The following LRCH2 variants were observed in gnomAD, a reference collection of about 807,000 sequenced individuals.
The protein encoded by LRCH2 is leucine-rich repeat and calponin homology domain-containing protein 2.
In LRCH2, 38 loss-of-function variants were observed where a neutral mutation model predicts 68.9. That is an observed-to-expected ratio of 0.55 (90% CI 0.43 to 0.72). The LOEUF is 0.72. Among genes scored for constraint, LRCH2 ranks in the 30% least tolerant of loss-of-function variants. LRCH2 has a pLI of 0.00. For synonymous variants in LRCH2, 191 were observed against 208.1 expected (o/e 0.92, Z 0.71); for missense variants, 528 against 572.9 (o/e 0.92, Z 0.80).
At chrX:115,226,811 T>G (rs1319558942) in intron 1 of LRCH2, among the ~76,000 whole-genome samples, 1 of 111,171 alleles carries the variant, frequency 9.0e-6, no homozygotes, top group Non-Finnish European at 1.9e-5. Flanking sequence ...GATATCAGCA[T>G]TCATGTAGTT....
chrX:115,118,560 T>C (rs1469287082), intron 20 of LRCH2, among the ~76,000 whole-genome samples: 4 of 109,706 alleles, frequency 3.6e-5, no homozygotes, highest in Non-Finnish European at 7.6e-5. Context: ...CAGGACCAGA[T>C]GGATTCACAG....
At chrX:115,120,849 T>G (rs1556525673) in intron 20 of LRCH2, among the ~76,000 whole-genome samples, 1 of 107,708 alleles carries the variant, frequency 9.3e-6, no homozygotes, top group Admixed American at 1.0e-4. Flanking sequence ...CCATAAAAAA[T>G]GATGAGTTCA....
At chrX:115,231,343 A>G (rs926934971) in intron 1 of LRCH2, among the ~76,000 whole-genome samples, 2 of 111,752 alleles carry the variant, frequency 1.8e-5, no homozygotes, top group Non-Finnish European at 3.8e-5. Context: ...ATATGTATGT[A>G]TAATCTCAAA....
chrX:115,150,096 C>T (rs1556537925), intron 12 of LRCH2, 26 bp from the exon 13 acceptor site: 2 of 1,028,728 alleles, frequency 1.9e-6, no homozygotes, highest in Non-Finnish European at 2.6e-6. Flanking sequence ...TGCCTTAATA[C>T]GTTAAAATAT....
At chrX:115,230,576 C>T (rs782629803) in intron 1 of LRCH2, among the ~76,000 whole-genome samples, 1 of 111,399 alleles carries the variant, frequency 9.0e-6, no homozygotes, top group East Asian at 2.8e-4. Context: ...ATAAACTCTG[C>T]AAACAGCTGC....
rs1327052767 is a variant in LRCH2, at chrX:115,192,299, G to A, written c.350-3929C>T. On this transcript the variant is annotated intron_variant, in intron 1 of 20. Coordinates refer to ENST00000317135, the MANE Select transcript of LRCH2 (RefSeq NM_020871.4). ...GGAGGAGGCCGCTACGAGGAGTACC[G>A]AGGCCCCTCGCCTGACGCCCACAGT... 3.2e-5 allele frequency: 37 copies of A among 1,163,636 alleles called. 1 individual carries two copies. The highest frequency in any genetic ancestry group is 1.8e-4 in the Admixed American group (7 of 38,365).
chrX:115,150,553 T>C (rs1406512760), intron 12 of LRCH2, among the ~76,000 whole-genome samples: 1 of 111,338 alleles, frequency 9.0e-6, no homozygotes, highest in Non-Finnish European at 1.9e-5. Flanking sequence ...TTTCATCTAA[T>C]TTTTTGTTGT....
At chrX:115,166,699 A>T (rs937564136) in intron 6 of LRCH2, among the ~76,000 whole-genome samples, 2 of 110,819 alleles carry the variant, frequency 1.8e-5, no homozygotes, top group Admixed American at 9.7e-5. Flanking sequence ...ACATCTTTTA[A>T]CTTCAATTTA....
chrX:115,176,135 A>G (rs2072644954), intron 5 of LRCH2, among the ~76,000 whole-genome samples: 1 of 112,397 alleles, frequency 8.9e-6, no homozygotes, highest in Admixed American at 9.4e-5. Context: ...GAGAATTAAA[A>G]TAGAAAAAAT....
intron 1 of LRCH2, among the ~76,000 whole-genome samples, chrX:115,229,392 G>A (rs1266965469): frequency 1.8e-5 from 2 of 111,104 alleles, no homozygotes; most frequent in Admixed American, 9.6e-5. Context: ...TATGTACTCT[G>A]CCAAGCTCAC....
chrX:115,202,378 G>C (rs1233695544), intron 1 of LRCH2, among the ~76,000 whole-genome samples: 4 of 111,729 alleles, frequency 3.6e-5, no homozygotes, highest in African/African-American at 1.3e-4. Context: ...AGAAGGGTGA[G>C]AGAGTGGGAG....
Position 115,233,760 on chromosome X carries a change from G to A in LRCH2, c.282C>T (p.Ser94=), listed in dbSNP as rs782096098. The part of the protein sequence containing the change: ...LEEAGSSGIL[S]LSGRKLRDFP... ...AGTCTCGGAGTTTCCGACCACTGAGGCTCAGGATGCCGGAGCTGCCCGCCT... is the reference window on the plus strand; with the variant it reads ...AGTCTCGGAGTTTCCGACCACTGAGACTCAGGATGCCGGAGCTGCCCGCCT... Residue 94 remains serine (S), a synonymous_variant, in exon 1 of 21, where the codon AGC becomes AGT. Transcript: ENST00000317135. 4.2e-6 allele frequency: 5 copies of A among 1,178,338 alleles called. No homozygotes were observed. The highest frequency in any genetic ancestry group is 5.7e-6 in the Non-Finnish European group (5 of 878,635).
At chrX:115,211,428 A>T (rs1253678698) in intron 1 of LRCH2, among the ~76,000 whole-genome samples, 3 of 111,709 alleles carry the variant, frequency 2.7e-5, no homozygotes, top group Non-Finnish European at 5.6e-5. Flanking sequence ...CTCCCCAGCC[A>T]CGTGGAACTG....
At chrX:115,233,386 A>G (rs1449958975) in intron 1 of LRCH2, among the ~76,000 whole-genome samples, 2 of 111,954 alleles carry the variant, frequency 1.8e-5, no homozygotes, top group Non-Finnish European at 3.8e-5. Flanking sequence ...GAGAGTTGAA[A>G]GAAGTGCATT....
At chrX:115,173,149 T>C (rs1156308967) in intron 5 of LRCH2, among the ~76,000 whole-genome samples, 19 of 111,190 alleles carry the variant, frequency 1.7e-4, no homozygotes, top group African/African-American at 5.9e-4. Flanking sequence ...TATTAAAGTA[T>C]GAGTTACAAA....
At chrX:115,197,659 G>A (rs1272329841) in intron 1 of LRCH2, among the ~76,000 whole-genome samples, 11 of 109,225 alleles carry the variant, frequency 1.0e-4, no homozygotes, top group Non-Finnish European at 1.7e-4. Context: ...AGCTGAGGCA[G>A]GAGGATCACT....
At chrX:115,134,401 T>A (rs1556531266) in intron 14 of LRCH2, among the ~76,000 whole-genome samples, 1 of 112,467 alleles carries the variant, frequency 8.9e-6, no homozygotes, top group Non-Finnish European at 1.9e-5. Context: ...AAAATAGCCT[T>A]CTATTGGACT....
intron 2 of LRCH2, 89 bp downstream of exon 2, chrX:115,188,137 C>T: frequency 1.5e-6 from 1 of 647,796 alleles, no homozygotes; most frequent in East Asian, 3.9e-5. Flanking sequence ...ATTTAAGCTA[C>T]ACAGCCAAAT....
chrX:115,126,956 T>C (rs2072205645), intron 15 of LRCH2, 63 bp from the exon 16 acceptor site: 27 of 756,735 alleles, frequency 3.6e-5, no homozygotes, highest in Non-Finnish European at 4.7e-5. Flanking sequence ...TTTAAACATA[T>C]AAAAGGAAAA....
Sources: gnomAD v4.1 joint callset for allele counts (sites outside exome capture counted in the v4.1 genomes callset) on GRCh38, gnomAD v4.1.1 for gene constraint, MANE v1.5 for transcripts, NCBI Gene and HGNC (gene_info 2026-07-23, HGNC 2026-07-21) for gene names.